PCDHA13: variants seen among roughly 807,000 people sequenced by gnomAD.
The protein encoded by PCDHA13 is protocadherin alpha-13.
A neutral mutation model predicts 64.8 loss-of-function variants in PCDHA13; 54 were observed. The observed-to-expected ratio is 0.83, with a 90% CI of 0.67 to 1.04. The LOEUF (loss-of-function observed/expected upper bound fraction) is 1.04, where lower values mean the gene tolerates loss of function less well. Ranked by LOEUF, PCDHA13 falls within the 50% of genes least tolerant of loss-of-function variation. The pLI, the probability that PCDHA13 is intolerant of heterozygous loss-of-function variation, is 0.00. For missense variants in PCDHA13, 1,248 were observed against 1,254.3 expected, an observed-to-expected ratio of 0.99 and a Z score of 0.08; for synonymous variants, 587 against 564.4, an observed-to-expected ratio of 1.04 and a Z score of -0.57.
chr5:140,969,613 T>C (rs2096347317), intron 1 of PCDHA13: 2 of 727,588 alleles, frequency 2.7e-6, no homozygotes, highest in African/African-American at 1.8e-5. Flanking sequence ...AAACACAGAT[T>C]TGTAGAGAAA....
intron 1 of PCDHA13, among the ~76,000 whole-genome samples, chr5:140,920,858 A>G (rs1182817298): frequency 6.6e-6 from 1 of 151,604 alleles, no homozygotes; most frequent in Non-Finnish European, 1.5e-5. Flanking sequence ...AAAAAAAAAA[A>G]CAAACAAACT....
chr5:140,904,873 G>C (rs1309196167), intron 1 of PCDHA13, among the ~76,000 whole-genome samples: 1 of 151,932 alleles, frequency 6.6e-6, no homozygotes, highest in Non-Finnish European at 1.5e-5. Flanking sequence ...TATGTCCTTA[G>C]CTCACTTTTT....
chr5:140,940,425 G>T (rs2153645742), intron 1 of PCDHA13, among the ~76,000 whole-genome samples: 1 of 152,034 alleles, frequency 6.6e-6, no homozygotes, highest in African/African-American at 2.4e-5. Flanking sequence ...AATTATTACT[G>T]ATCAAGTCTG....
chr5:141,007,174 G>T (rs926344346), intron 3 of PCDHA13, among the ~76,000 whole-genome samples: 9 of 152,118 alleles, frequency 5.9e-5, no homozygotes, highest in African/African-American at 2.2e-4. Context: ...AGAGAGAAAG[G>T]TCAGGAGAAT....
In PCDHA13 at chr5:140,882,153, AAT is replaced by A; in HGVS notation, c.-114_-113del. On this transcript the variant is annotated 5_prime_UTR_variant, in exon 1 of 4. Coordinates refer to ENST00000289272, the MANE Select transcript of PCDHA13 (RefSeq NM_018904.3). ...CTGCAGAAAATATAGCAGAAAGCGGAATACCTCTTGCGAATCCTTCCGCACTA... is the reference window on the plus strand; with the variant it reads ...CTGCAGAAAATATAGCAGAAAGCGGAACCTCTTGCGAATCCTTCCGCACTA... 1 of 1,505,320 alleles carries A rather than the reference AAT, an allele frequency of 6.6e-7. No homozygotes were observed. The highest frequency in any genetic ancestry group is 1.4e-5 in the South Asian group (1 of 72,824). 93.2% of individuals were successfully genotyped at this position (1,505,320 alleles called of 1,614,324 possible).
chr5:140,955,796 A>G (rs1432865248), intron 1 of PCDHA13, among the ~76,000 whole-genome samples: 3 of 152,004 alleles, frequency 2.0e-5, no homozygotes, highest in Non-Finnish European at 4.4e-5. Context: ...ATGTTTTTCT[A>G]TTTGTTTGTG....
At chr5:140,958,759 A>G (rs1254935099) in intron 1 of PCDHA13, among the ~76,000 whole-genome samples, 2 of 152,112 alleles carry the variant, frequency 1.3e-5, no homozygotes, top group African/African-American at 4.8e-5. Flanking sequence ...ATTTTTACCC[A>G]TTTCTGTTTG....
intron 1 of PCDHA13, chr5:140,969,441 G>T (rs1554231808): frequency 1.9e-6 from 3 of 1,543,640 alleles, no homozygotes; most frequent in Non-Finnish European, 2.6e-6. Flanking sequence ...GAGTTATCTG[G>T]TAAACTGAGT....
intron 1 of PCDHA13, among the ~76,000 whole-genome samples, chr5:140,940,287 C>T (rs190568424): frequency 6.6e-6 from 1 of 152,272 alleles, no homozygotes; most frequent in East Asian, 1.9e-4. Context: ...CATTGTGCTG[C>T]TTCATCAGTA....
chr5:140,914,852 C>T (rs2076867528), intron 1 of PCDHA13, among the ~76,000 whole-genome samples: 1 of 151,838 alleles, frequency 6.6e-6, no homozygotes, highest in Non-Finnish European at 1.5e-5. Flanking sequence ...AAAAGGAAGA[C>T]TAATAAAAGT....
Position 140,882,982 on chromosome 5 carries a change from C to T in PCDHA13, c.714C>T (p.Asn238=), listed in dbSNP as rs139888237. 2.9e-5 allele frequency: 47 copies of T among 1,614,148 alleles called. No individual in the cohort carries two copies. The East Asian group carries it at 3.6e-4, about 12-fold the overall frequency. Residue 238 remains asparagine (N), a synonymous_variant, in exon 1 of 4, where the codon AAC becomes AAT. Coordinates refer to ENST00000289272, the MANE Select transcript of PCDHA13 (RefSeq NM_018904.3). ...LLITILDVND[N]APEFYQSVYK... is the part of the protein sequence containing the mutation. The stretch of plus-strand genomic sequence containing the variant: ...TCACGATTCTGGACGTGAATGACAA[C>T]GCCCCGGAATTTTACCAATCCGTTT...
At chr5:140,995,557 A>G (rs1032736761) in intron 3 of PCDHA13, among the ~76,000 whole-genome samples, 2 of 152,252 alleles carry the variant, frequency 1.3e-5, no homozygotes, top group African/African-American at 2.4e-5. Flanking sequence ...ACTGTACTGA[A>G]TAATATGTCA....
At chr5:140,957,548 T>C (rs1554223015) in intron 1 of PCDHA13, among the ~76,000 whole-genome samples, 1 of 152,154 alleles carries the variant, frequency 6.6e-6, no homozygotes, top group Non-Finnish European at 1.5e-5. Flanking sequence ...GAAAGTATTC[T>C]CTGTGGAAAA....
In PCDHA13 at chr5:141,000,054, A is replaced by G. The variant is rs189634054; in HGVS notation, c.2543-9573A>G. On this transcript the variant is annotated intron_variant, in intron 3 of 3. Coordinates refer to ENST00000289272, the MANE Select transcript of PCDHA13 (RefSeq NM_018904.3). ...CCAATCACACACACACCACTCTCCC[A>G]GCTGCTCTGTAGATCACAATGCTAG... Among the ~76,000 whole-genome samples the G allele has an allele frequency of 4.0e-3, 609 of 152,230 alleles. 3 individuals carry two copies. Among genetic ancestry groups the G allele is most frequent in the African/African-American group, 0.014 (564 of 41,556 alleles).
At chr5:140,932,114 G>A (rs2088047655) in intron 1 of PCDHA13, among the ~76,000 whole-genome samples, 1 of 151,738 alleles carries the variant, frequency 6.6e-6, no homozygotes. Context: ...ATTTCCAATT[G>A]ATAATATTTA....
intron 3 of PCDHA13, among the ~76,000 whole-genome samples, chr5:141,004,872 C>T (rs1242067093): frequency 6.6e-6 from 1 of 152,042 alleles, no homozygotes; most frequent in Non-Finnish European, 1.5e-5. Context: ...GTTTCTCATC[C>T]CTAAAGTGCT....
intron 1 of PCDHA13, chr5:140,967,260 C>G: frequency 6.2e-7 from 1 of 1,613,500 alleles, no homozygotes; most frequent in Non-Finnish European, 8.5e-7. Flanking sequence ...GCGCCTGGAG[C>G]GCGCTTTCAC....
chr5:140,961,054 T>C (rs1290831214), intron 1 of PCDHA13, among the ~76,000 whole-genome samples: 2 of 152,136 alleles, frequency 1.3e-5, no homozygotes, highest in African/African-American at 4.8e-5. Context: ...AACAAAATGT[T>C]GAATGGGATA....
intron 1 of PCDHA13, among the ~76,000 whole-genome samples, chr5:140,948,364 G>C (rs1554218529): frequency 6.6e-6 from 1 of 151,472 alleles, no homozygotes; most frequent in African/African-American, 2.4e-5. Flanking sequence ...AAATGACTTA[G>C]GAGGTGTTCC....
Sources: gnomAD v4.1 joint callset for allele counts (sites outside exome capture counted in the v4.1 genomes callset) on GRCh38, gnomAD v4.1.1 for gene constraint, MANE v1.5 for transcripts, NCBI Gene and HGNC (gene_info 2026-07-23, HGNC 2026-07-21) for gene names.